Variants in C12orf42 observed in about 807,000 individuals in gnomAD.
C12orf42 encodes the protein chromosome 12 open reading frame 42, also known as uncharacterized protein C12orf42.
Under a neutral mutation model 21.6 loss-of-function variants are expected in C12orf42, and 25 were observed. The ratio of observed to expected loss-of-function variants is 1.16; its 90% confidence interval spans 0.84 to 1.62. The LOEUF (loss-of-function observed/expected upper bound fraction) is 1.62. Ranked by LOEUF, C12orf42 falls within the 40% of genes most tolerant of loss-of-function variation. C12orf42 has a pLI of 0.00. For missense variants in C12orf42, 483 were observed against 459.3 expected (o/e 1.05, Z -0.47); for synonymous variants, 174 against 175.0 (o/e 0.99, Z 0.05).
intron 3 of C12orf42, among the ~76,000 whole-genome samples, chr12:103,397,014 C>G (rs527676113): frequency 6.6e-6 from 1 of 152,320 alleles, no homozygotes; most frequent in Admixed American, 6.5e-5. Flanking sequence ...TCTGTCTGAT[C>G]TGTGTGTCTA....
chr12:103,157,887 A>G, the C12orf42 span, among the ~76,000 whole-genome samples: 1 of 152,202 alleles, frequency 6.6e-6, no homozygotes, highest in Non-Finnish European at 1.5e-5. Context: ...GATTTGCAGA[A>G]ACATGACCAT....
chr12:103,226,252 G>C, the C12orf42 span, among the ~76,000 whole-genome samples: 13 of 152,164 alleles, frequency 8.5e-5, no homozygotes, highest in Non-Finnish European at 1.5e-5. Context: ...CACAGAGGAG[G>C]CAAGGAATTG....
the C12orf42 span, among the ~76,000 whole-genome samples, chr12:103,549,325 G>A: frequency 6.6e-6 from 1 of 152,086 alleles, no homozygotes; most frequent in Non-Finnish European, 1.5e-5. Context: ...GTGCAGGGAG[G>A]TCCCATGCGT....
intron 1 of C12orf42, among the ~76,000 whole-genome samples, chr12:103,483,346 AT>A (rs199920250): frequency 0.01 from 1,523 of 152,192 alleles, 19 homozygotes; most frequent in African/African-American, 0.033. Flanking sequence ...TCTACTCTCA[AT>A]TTTGTTGTGA....
chr12:103,113,620 C>T, the C12orf42 span, among the ~76,000 whole-genome samples: 3 of 152,076 alleles, frequency 2.0e-5, no homozygotes, highest in Non-Finnish European at 4.4e-5. Flanking sequence ...ATGTTGCTTA[C>T]CATCGTATAG....
chr12:103,115,240 A>G, the C12orf42 span, among the ~76,000 whole-genome samples: 1 of 152,178 alleles, frequency 6.6e-6, no homozygotes, highest in African/African-American at 2.4e-5. Flanking sequence ...TTGAAACCCT[A>G]AAGAGTCAGT....
chr12:103,135,428 A>G, the C12orf42 span, among the ~76,000 whole-genome samples: 1 of 151,216 alleles, frequency 6.6e-6, no homozygotes, highest in Admixed American at 6.6e-5. Flanking sequence ...CTCCACTCCA[A>G]TGTAGGCAAC....
the C12orf42 span, among the ~76,000 whole-genome samples, chr12:103,107,503 A>G: frequency 6.6e-6 from 1 of 151,994 alleles, no homozygotes; most frequent in African/African-American, 2.4e-5. Flanking sequence ...TTAGCAAAAC[A>G]TTTTAAAATA....
chr12:103,233,093 A>G (rs1356695478), downstream of C12orf42, among the ~76,000 whole-genome samples: 1 of 152,206 alleles, frequency 6.6e-6, no homozygotes, highest in Non-Finnish European at 1.5e-5. Context: ...TCTCTGCTCC[A>G]TTGAGTTGCC....
At chr12:103,207,450 G>A in the C12orf42 span, among the ~76,000 whole-genome samples, 3 of 152,198 alleles carry the variant, frequency 2.0e-5, no homozygotes, top group Non-Finnish European at 2.9e-5. Flanking sequence ...GCGCACACAC[G>A]TGCGCGCGCA....
the C12orf42 span, among the ~76,000 whole-genome samples, chr12:103,226,723 G>T: frequency 2.0e-5 from 3 of 152,134 alleles, no homozygotes; most frequent in South Asian, 2.1e-4. Context: ...AGCTCAGCCT[G>T]GTGAGGAACA....
chr12:103,158,681 C>A, the C12orf42 span, among the ~76,000 whole-genome samples: 1 of 152,170 alleles, frequency 6.6e-6, no homozygotes. Context: ...GAGTTTGAGA[C>A]CAGCCCGGCC....
At chr12:103,127,272 A>T in the C12orf42 span, among the ~76,000 whole-genome samples, 1 of 152,208 alleles carries the variant, frequency 6.6e-6, no homozygotes, top group African/African-American at 2.4e-5. Flanking sequence ...TACTTTGAAA[A>T]TGTTTAGAAA....
At chr12:103,408,785 C>T (rs2048612210) in intron 2 of C12orf42, among the ~76,000 whole-genome samples, 1 of 152,070 alleles carries the variant, frequency 6.6e-6, no homozygotes, top group South Asian at 2.1e-4. Context: ...TATTTTTTGT[C>T]AACTCCTGTT....
intron 2 of C12orf42, chr12:103,456,320 A>C (rs1017501703): frequency 5.9e-5 from 9 of 152,108 alleles, no homozygotes; most frequent in African/African-American, 2.2e-4. Flanking sequence ...AGGGGGAAAA[A>C]GCTGGGTCAC....
At chr12:103,181,681 T>G in the C12orf42 span, among the ~76,000 whole-genome samples, 1 of 152,228 alleles carries the variant, frequency 6.6e-6, no homozygotes, top group East Asian at 1.9e-4. Flanking sequence ...TCTTCTTCAT[T>G]CACGCAACAA....
chr12:103,361,768 C>T (rs1287278249), intron 4 of C12orf42, among the ~76,000 whole-genome samples: 1 of 152,012 alleles, frequency 6.6e-6, no homozygotes, highest in Non-Finnish European at 1.5e-5. Flanking sequence ...CATGACACAG[C>T]AGAGGCAGCC....
chr12:103,205,836 A>T, the C12orf42 span, among the ~76,000 whole-genome samples: 1 of 152,244 alleles, frequency 6.6e-6, no homozygotes, highest in African/African-American at 2.4e-5. Context: ...AATCTTAAAA[A>T]TACAATGTTG....
chr12:103,206,618 G>A, the C12orf42 span, among the ~76,000 whole-genome samples: 200 of 152,120 alleles, frequency 1.3e-3, 2 homozygotes, highest in African/African-American at 4.8e-3. Flanking sequence ...TTAAGAGATG[G>A]GGTCTCACTG....
Sources: gnomAD v4.1 joint callset for allele counts (sites outside exome capture counted in the v4.1 genomes callset) on GRCh38, gnomAD v4.1.1 for gene constraint, MANE v1.5 for transcripts, NCBI Gene and HGNC (gene_info 2026-07-23, HGNC 2026-07-21) for gene names.